Variants in GABRB2 observed in about 807,000 individuals in gnomAD.
GABRB2 encodes gamma-aminobutyric acid receptor subunit beta-2.
GABRB2 carries 16 observed loss-of-function variants against 54.7 expected under a neutral mutation model. The observed-to-expected ratio is 0.29, with a 90% confidence interval of 0.20 to 0.44. GABRB2 has a LOEUF of 0.44. GABRB2 is among the 20% of genes least tolerant of loss of function. The pLI, the probability that GABRB2 is intolerant of heterozygous loss-of-function variation, is 1.00. For missense variants in GABRB2, 355 were observed against 644.0 expected (o/e 0.55, Z 4.86); for synonymous variants, 244 against 233.8 (o/e 1.04, Z -0.40).
At chr5:161,486,321 T>G (rs1758920239) in intron 3 of GABRB2, among the ~76,000 whole-genome samples, 3 of 151,978 alleles carry the variant, frequency 2.0e-5, no homozygotes, top group African/African-American at 7.2e-5. Flanking sequence ...TAAGACAGCA[T>G]TCCTGCCCCT....
At chr5:161,458,479 A>G (rs148955004) in intron 4 of GABRB2, among the ~76,000 whole-genome samples, 49 of 152,326 alleles carry the variant, frequency 3.2e-4, no homozygotes, top group Non-Finnish European at 5.3e-4. Context: ...TGTCATAAAC[A>G]AAACAGCTGA....
At chr5:161,517,871 A>ACT (rs930512297) in intron 3 of GABRB2, among the ~76,000 whole-genome samples, 1 of 150,836 alleles carries the variant, frequency 6.6e-6, no homozygotes, top group Non-Finnish European at 1.5e-5. Flanking sequence ...ATCTCAGCTC[A>ACT]CTGCAAGCTC....
At chr5:161,420,199 T>C (rs1408678633) in intron 4 of GABRB2, among the ~76,000 whole-genome samples, 1 of 152,184 alleles carries the variant, frequency 6.6e-6, no homozygotes, top group Non-Finnish European at 1.5e-5. Flanking sequence ...GTTTATCAGT[T>C]TTATCCCAGT....
At chr5:161,522,484 C>A (rs986982798) in intron 3 of GABRB2, among the ~76,000 whole-genome samples, 1 of 151,744 alleles carries the variant, frequency 6.6e-6, no homozygotes, top group African/African-American at 2.4e-5. Flanking sequence ...ATAAACAACA[C>A]AACCACTGCT....
At chr5:161,484,915 T>C (rs1758872047) in intron 3 of GABRB2, among the ~76,000 whole-genome samples, 1 of 151,976 alleles carries the variant, frequency 6.6e-6, no homozygotes, top group Non-Finnish European at 1.5e-5. Flanking sequence ...AGCATAGGGT[T>C]CAAACTTCTT....
intron 3 of GABRB2, among the ~76,000 whole-genome samples, chr5:161,488,152 T>G (rs958954631): frequency 6.6e-6 from 1 of 151,718 alleles, no homozygotes; most frequent in Admixed American, 6.6e-5. Context: ...ATGATTTGGA[T>G]GAAAAGTGGA....
At chr5:161,503,706 T>A in intron 3 of GABRB2, among the ~76,000 whole-genome samples, 1 of 112,468 alleles carries the variant, frequency 8.9e-6, no homozygotes. Flanking sequence ...CGAAATTCCT[T>A]CTCAAAAAAA....
intron 3 of GABRB2, among the ~76,000 whole-genome samples, chr5:161,523,894 G>A (rs1236052467): frequency 6.6e-6 from 1 of 151,328 alleles, no homozygotes; most frequent in African/African-American, 2.4e-5. Flanking sequence ...TCGAATGGAA[G>A]CAAGAATTTC....
intron 9 of GABRB2, among the ~76,000 whole-genome samples, chr5:161,316,349 C>CAAGATTGGAAAAAAAAAATATTAGAGGT (rs1369511289): frequency 1.3e-5 from 2 of 151,764 alleles, no homozygotes; most frequent in African/African-American, 4.8e-5. Flanking sequence ...TAGGTACATC[C>CAAGATTGGAAAAAAAAAATATTAGAGGT]AAGATTGGAA....
intron 9 of GABRB2, among the ~76,000 whole-genome samples, chr5:161,319,395 T>C (rs1463641433): frequency 6.8e-6 from 1 of 147,748 alleles, no homozygotes; most frequent in East Asian, 1.9e-4. Context: ...AAGGCTATAA[T>C]ATAAAAATAT....
chr5:161,537,938 T>G (rs1253757584), intron 3 of GABRB2, among the ~76,000 whole-genome samples: 1 of 151,964 alleles, frequency 6.6e-6, no homozygotes, highest in Non-Finnish European at 1.5e-5. Context: ...CTCTATGTTA[T>G]TCTTTCTGCT....
intron 6 of GABRB2, among the ~76,000 whole-genome samples, chr5:161,335,384 G>A (rs1362661326): frequency 2.6e-5 from 4 of 152,094 alleles, no homozygotes; most frequent in Admixed American, 1.3e-4. Context: ...AGGTTTTCAC[G>A]TATATGCTTC....
intron 3 of GABRB2, among the ~76,000 whole-genome samples, chr5:161,477,284 C>CAAAAAAAAAAAAAAAAAA (rs70990786): frequency 1.6e-5 from 2 of 127,850 alleles, no homozygotes; most frequent in Non-Finnish European, 3.4e-5. Context: ...CAAACAAAAG[C>CAAAAAAAAAAAAAAAAAA]AAAAAAAAAA....
intron 5 of GABRB2, among the ~76,000 whole-genome samples, chr5:161,394,761 T>G (rs761232346): frequency 6.6e-6 from 1 of 152,006 alleles, no homozygotes; most frequent in Non-Finnish European, 1.5e-5. Flanking sequence ...TAGTTGGAAA[T>G]CTATCAAACA....
chr5:161,416,725 A>AAAAAAAAAAAAAAAAAAAAAC (rs1561642804), intron 4 of GABRB2, among the ~76,000 whole-genome samples: 1 of 143,992 alleles, frequency 6.9e-6, no homozygotes, highest in Non-Finnish European at 1.5e-5. Flanking sequence ...AAAAAAAAAA[A>AAAAAAAAAAAAAAAAAAAAAC]TTAGATGCCT....
chr5:161,476,356 A>G (rs1290901429), intron 3 of GABRB2, among the ~76,000 whole-genome samples: 2 of 151,942 alleles, frequency 1.3e-5, no homozygotes, highest in Non-Finnish European at 2.9e-5. Flanking sequence ...AGATGTCAAC[A>G]CTACCCACGG....
intron 4 of GABRB2, among the ~76,000 whole-genome samples, chr5:161,420,383 G>A (rs541607485): frequency 1.3e-5 from 2 of 152,336 alleles, no homozygotes; most frequent in East Asian, 3.9e-4. Context: ...CATGTTGGGT[G>A]TCTTCCCTTC....
chr5:161,447,872 T>G (rs1398682910), intron 4 of GABRB2, among the ~76,000 whole-genome samples: 1 of 152,166 alleles, frequency 6.6e-6, no homozygotes, highest in East Asian at 1.9e-4. Context: ...TGTTACTTAT[T>G]ATAGAAAACA....
At chr5:161,461,710 A>G (rs1376250910) in intron 3 of GABRB2, among the ~76,000 whole-genome samples, 1 of 152,204 alleles carries the variant, frequency 6.6e-6, no homozygotes, top group East Asian at 1.9e-4. Context: ...TTTTAAAATC[A>G]GTTCACAATG....
Sources: gnomAD v4.1 joint callset for allele counts (sites outside exome capture counted in the v4.1 genomes callset) on GRCh38, gnomAD v4.1.1 for gene constraint, MANE v1.5 for transcripts, NCBI Gene and HGNC (gene_info 2026-07-23, HGNC 2026-07-21) for gene names.